Variants in LIN54 observed in about 807,000 individuals in gnomAD.
LIN54 encodes protein lin-54 homolog.
LIN54 carries 9 observed loss-of-function variants against 78.7 expected under a neutral mutation model. That is an observed-to-expected ratio of 0.11 (90% CI 0.07 to 0.20). LIN54 has a LOEUF of 0.20. Ranked by LOEUF, LIN54 falls within the 10% of genes least tolerant of loss-of-function variation. The pLI is 1.00. For synonymous variants in LIN54, 269 were observed against 318.4 expected, an observed-to-expected ratio of 0.84 and a Z score of 1.65; for missense variants, 573 against 889.9, an observed-to-expected ratio of 0.64 and a Z score of 4.53.
chr4:82,985,025 C>T, intron 1 of LIN54, 149 bp from the exon 2 acceptor site: 1 of 605,674 alleles, frequency 1.7e-6, no homozygotes, highest in Non-Finnish European at 2.9e-6. Flanking sequence ...TGGGTTAAAT[C>T]ATGTTAACAC....
chr4:82,955,507 A>C (rs1560741870), intron 4 of LIN54, among the ~76,000 whole-genome samples: 1 of 152,200 alleles, frequency 6.6e-6, no homozygotes, highest in African/African-American at 2.4e-5. Flanking sequence ...CATAAAACTA[A>C]GAGAAATATC....
chr4:82,989,391 A>G (rs2126093045), intron 1 of LIN54, among the ~76,000 whole-genome samples: 1 of 152,318 alleles, frequency 6.6e-6, no homozygotes, highest in East Asian at 1.9e-4. Context: ...ACAAGAATGT[A>G]AAAGTATCAA....
chr4:82,949,595 C>G (rs1723689099), intron 4 of LIN54, among the ~76,000 whole-genome samples: 1 of 152,054 alleles, frequency 6.6e-6, no homozygotes. Flanking sequence ...CGGGGTTTCA[C>G]CATGTTGGCC....
At chr4:82,997,297 C>G (rs1728306052) in intron 1 of LIN54, among the ~76,000 whole-genome samples, 1 of 151,884 alleles carries the variant, frequency 6.6e-6, no homozygotes, top group South Asian at 2.1e-4. Context: ...TAAAATAAAC[C>G]CATATTGTCA....
intron 4 of LIN54, among the ~76,000 whole-genome samples, chr4:82,947,544 C>T (rs1723505673): frequency 6.6e-6 from 1 of 151,678 alleles, no homozygotes; most frequent in South Asian, 2.1e-4. Context: ...AGGTGGGAGC[C>T]ACAATCATTT....
chr4:82,995,526 C>T (rs1728135427), intron 1 of LIN54, among the ~76,000 whole-genome samples: 1 of 116,386 alleles, frequency 8.6e-6, no homozygotes, highest in Admixed American at 1.1e-4. Context: ...GATGGAGTCT[C>T]GCTCTGTCAC....
chr4:82,995,372 G>T (rs1171692087), intron 1 of LIN54, among the ~76,000 whole-genome samples: 1 of 150,540 alleles, frequency 6.6e-6, no homozygotes, highest in African/African-American at 2.4e-5. Flanking sequence ...TTTAAAAAAG[G>T]TCTGATTGGT....
chr4:83,000,688 C>G (rs1048979103), intron 1 of LIN54, among the ~76,000 whole-genome samples: 2 of 152,004 alleles, frequency 1.3e-5, no homozygotes, highest in African/African-American at 4.8e-5. Flanking sequence ...ACATGGTACT[C>G]TATGGAATGA....
chr4:82,999,371 A>T (rs1345943554), intron 1 of LIN54, among the ~76,000 whole-genome samples: 1 of 152,242 alleles, frequency 6.6e-6, no homozygotes, highest in Non-Finnish European at 1.5e-5. Flanking sequence ...AAAGACCATT[A>T]TAAAAAAAGA....
chr4:82,994,197 C>T (rs1036083904), intron 1 of LIN54, among the ~76,000 whole-genome samples: 1 of 152,068 alleles, frequency 6.6e-6, no homozygotes, highest in Non-Finnish European at 1.5e-5. Flanking sequence ...TTACCTGACA[C>T]ATGGATAATA....
chr4:83,007,040 C>T (rs1215806752), intron 1 of LIN54, among the ~76,000 whole-genome samples: 9 of 151,624 alleles, frequency 5.9e-5, no homozygotes, highest in African/African-American at 1.7e-4. Context: ...CTCGAGAGGC[C>T]GAGGCAAGAG....
intron 1 of LIN54, 76 bp downstream of exon 1, chr4:83,010,408 T>TGCCCCCCCCC: frequency 5.8e-6 from 1 of 171,588 alleles, no homozygotes; most frequent in Non-Finnish European, 1.1e-5. Context: ...CGCAATTCTT[T>TGCCCCCCCCC]CCCCACCCAC....
intron 1 of LIN54, among the ~76,000 whole-genome samples, chr4:82,987,888 A>G (rs1220920721): frequency 1.3e-5 from 2 of 152,216 alleles, no homozygotes; most frequent in South Asian, 4.1e-4. Flanking sequence ...TCCTTTGGGT[A>G]CATACCCAGT....
At chr4:82,999,797 G>GAAAAAT (rs1560792522) in intron 1 of LIN54, among the ~76,000 whole-genome samples, 22 of 137,690 alleles carry the variant, frequency 1.6e-4, no homozygotes, top group South Asian at 4.4e-4. Context: ...AAAAAAAAAG[G>GAAAAAT]CAAGAAAACA....
rs1333816579 is a variant in LIN54 at position 83,010,520 on chromosome 4, G to A, written c.-69C>T. The A allele has an allele frequency of 8.9e-7, 1 of 1,120,002 alleles. No homozygotes were observed. The allele number at this position is 1,120,002 out of a possible 1,614,324, so 69.4% of individuals were successfully genotyped here. ...GCCGCTTTCTCCTCCCTCGGGCTCC[G>A]AGGTAGGGGCTCCAGAAGGTCCTGG... is the stretch of plus-strand genomic sequence containing the variant. On this transcript the variant is annotated 5_prime_UTR_variant, in exon 1 of 13. Transcript: ENST00000340417.
At chr4:83,009,276 T>C (rs1450289911) in intron 1 of LIN54, among the ~76,000 whole-genome samples, 2 of 152,200 alleles carry the variant, frequency 1.3e-5, no homozygotes, top group Non-Finnish European at 2.9e-5. Context: ...ATACTCTTTG[T>C]AGACAATTTG....
At chr4:82,978,613 G>A (rs989647364) in intron 3 of LIN54, among the ~76,000 whole-genome samples, 2 of 152,120 alleles carry the variant, frequency 1.3e-5, no homozygotes, top group Non-Finnish European at 2.9e-5. Context: ...AGCACACAGT[G>A]AACACTGTAT....
chr4:82,935,095 G>T (rs949183597), intron 11 of LIN54, among the ~76,000 whole-genome samples: 1 of 151,996 alleles, frequency 6.6e-6, no homozygotes, highest in Admixed American at 6.6e-5. Context: ...TCATCCAGCA[G>T]AATGCCAGAT....
chr4:82,943,502 C>T (rs1187676658), intron 5 of LIN54, among the ~76,000 whole-genome samples: 1 of 151,984 alleles, frequency 6.6e-6, no homozygotes, highest in African/African-American at 2.4e-5. Flanking sequence ...TTTAGTGTAA[C>T]TCTAATAAAA....
Sources: gnomAD v4.1 joint callset for allele counts (sites outside exome capture counted in the v4.1 genomes callset) on GRCh38, gnomAD v4.1.1 for gene constraint, MANE v1.5 for transcripts, NCBI Gene and HGNC (gene_info 2026-07-23, HGNC 2026-07-21) for gene names.